Variants in FAT3 observed in about 807,000 individuals in gnomAD.
FAT3 encodes FAT atypical cadherin 3.
In FAT3, 95 loss-of-function variants were observed where a neutral mutation model predicts 310.2. The ratio of observed to expected loss-of-function variants is 0.31; its 90% CI spans 0.26 to 0.36. FAT3 has a LOEUF of 0.36. Among genes scored for constraint, FAT3 ranks in the 10% least tolerant of loss-of-function variants. The probability of loss-of-function intolerance (pLI) is 1.00; values close to 1 mark genes in which losing one functional copy is unlikely to be tolerated. For synonymous variants in FAT3, 2,314 were observed against 2,192.9 expected, an observed-to-expected ratio of 1.06 and a Z score of -1.54; for missense variants, 5,408 against 5,715.6, an observed-to-expected ratio of 0.95 and a Z score of 1.74.
chr11:92,458,582 A>C (rs1167251936), intron 2 of FAT3, among the ~76,000 whole-genome samples: 1 of 69,848 alleles, frequency 1.4e-5, no homozygotes, highest in East Asian at 8.3e-4. Flanking sequence ...CTTCCCAGCC[A>C]CCAGCAGAGT....
chr11:92,530,748 T>C (rs1954039015), intron 3 of FAT3, among the ~76,000 whole-genome samples: 1 of 152,132 alleles, frequency 6.6e-6, no homozygotes, highest in Non-Finnish European at 1.5e-5. Context: ...TGTTAGTTCA[T>C]AAGATATGGA....
intron 2 of FAT3, among the ~76,000 whole-genome samples, chr11:92,476,921 A>T (rs1027769906): frequency 6.6e-6 from 1 of 152,228 alleles, no homozygotes; most frequent in Non-Finnish European, 1.5e-5. Context: ...TTCTTCCACC[A>T]TGACCACCAC....
At chr11:92,477,112 C>T (rs542792446) in intron 2 of FAT3, among the ~76,000 whole-genome samples, 5 of 152,298 alleles carry the variant, frequency 3.3e-5, no homozygotes, top group Admixed American at 2.0e-4. Context: ...GTGAATCCAA[C>T]GGGACCATAA....
intron 2 of FAT3, among the ~76,000 whole-genome samples, chr11:92,516,510 T>C (rs1953489659): frequency 6.6e-6 from 1 of 152,126 alleles, no homozygotes; most frequent in Non-Finnish European, 1.5e-5. Flanking sequence ...GAGCTATTTA[T>C]GACAAGCCCA....
chr11:92,585,706 G>T (rs1170852105), intron 3 of FAT3, among the ~76,000 whole-genome samples: 1 of 151,928 alleles, frequency 6.6e-6, no homozygotes, highest in East Asian at 1.9e-4. Flanking sequence ...ACAGTTTCAG[G>T]ATTCAAACTC....
At chr11:92,465,117 C>A (rs567182706) in intron 2 of FAT3, among the ~76,000 whole-genome samples, 10 of 151,954 alleles carry the variant, frequency 6.6e-5, no homozygotes, top group Admixed American at 6.6e-4. Context: ...TATTTGCAGC[C>A]GGGGTACAAT....
At chr11:92,261,112 T>C in intron 1 of FAT3, among the ~76,000 whole-genome samples, 1 of 152,080 alleles carries the variant, frequency 6.6e-6, no homozygotes, top group East Asian at 1.9e-4. Flanking sequence ...GTTGTCCCCA[T>C]AAATCATCCT....
intron 2 of FAT3, among the ~76,000 whole-genome samples, chr11:92,399,332 A>G (rs1283343342): frequency 2.0e-5 from 3 of 152,166 alleles, no homozygotes; most frequent in Non-Finnish European, 2.9e-5. Flanking sequence ...CAAAACACAA[A>G]ATAACCTGAG....
At chr11:92,752,914 A>G in intron 4 of FAT3, among the ~76,000 whole-genome samples, 1 of 152,364 alleles carries the variant, frequency 6.6e-6, no homozygotes, top group East Asian at 1.9e-4. Context: ...TAAACAATAT[A>G]ATAAATAAGG....
chr11:92,346,299 A>G lies in FAT3; in HGVS notation c.-17-5797A>G, dbSNP rs538876031. The stretch of plus-strand genomic sequence containing the variant: ...TCATTGCAAGGAGAAATCTTGCTTG[A>G]ACTCCCCAGGAATTAAATGCTAGCT... On this transcript the variant is annotated intron_variant, in intron 1 of 27. Transcript: ENST00000525166. 2.6e-5 allele frequency among the ~76,000 whole-genome samples: 4 copies of G among 152,166 alleles called. No individual in the cohort carries two copies. The South Asian group carries it at 6.2e-4, about 24-fold the overall frequency.
intron 6 of FAT3, among the ~76,000 whole-genome samples, chr11:92,767,887 C>A (rs1031957238): frequency 1.3e-5 from 2 of 152,140 alleles, no homozygotes; most frequent in Admixed American, 1.3e-4. Context: ...TATGCTAACC[C>A]TACTGATGCC....
intron 2 of FAT3, among the ~76,000 whole-genome samples, chr11:92,432,123 C>T (rs942579226): frequency 1.3e-5 from 2 of 152,112 alleles, no homozygotes; most frequent in Non-Finnish European, 2.9e-5. Flanking sequence ...ATTCTTCCTA[C>T]CCATGAGCAT....
chr11:92,448,921 A>G (rs1220389970), intron 2 of FAT3, among the ~76,000 whole-genome samples: 1 of 152,170 alleles, frequency 6.6e-6, no homozygotes, highest in Non-Finnish European at 1.5e-5. Context: ...AGGAAATTCC[A>G]AAGGGCAGCA....
intron 3 of FAT3, among the ~76,000 whole-genome samples, chr11:92,610,953 C>T (rs1940534736): frequency 6.6e-6 from 1 of 152,038 alleles, no homozygotes; most frequent in Non-Finnish European, 1.5e-5. Flanking sequence ...ATCCCTAAGC[C>T]CAAGATTAAG....
chr11:92,853,217 C>T (rs545923162), intron 19 of FAT3, among the ~76,000 whole-genome samples: 8 of 152,370 alleles, frequency 5.3e-5, no homozygotes, highest in African/African-American at 1.4e-4. Context: ...CAGCAAGGCA[C>T]GCCCACTGCT....
At chr11:92,347,868 G>A (rs1948457748) in intron 1 of FAT3, among the ~76,000 whole-genome samples, 1 of 152,116 alleles carries the variant, frequency 6.6e-6, no homozygotes, top group Non-Finnish European at 1.5e-5. Flanking sequence ...TAATCTAGAA[G>A]CAGTAGAATA....
intron 2 of FAT3, among the ~76,000 whole-genome samples, chr11:92,477,895 C>T (rs903838613): frequency 6.6e-6 from 1 of 152,164 alleles, no homozygotes; most frequent in Non-Finnish European, 1.5e-5. Context: ...GTCAACATGG[C>T]AGCATGGCAC....
At chr11:92,663,216 A>C (rs1057042242) in intron 3 of FAT3, among the ~76,000 whole-genome samples, 5 of 152,188 alleles carry the variant, frequency 3.3e-5, no homozygotes, top group African/African-American at 4.8e-5. Context: ...CAAGCTTTGG[A>C]AATAAGAGCA....
Position 92,795,598 on chromosome 11 carries a change from T to C in FAT3, c.4823-2238T>C, listed in dbSNP as rs570441415. 2.6e-5 allele frequency among the ~76,000 whole-genome samples: 4 copies of C among 152,080 alleles called. No individual in the cohort carries two copies. In the East Asian group the frequency reaches 5.9e-4, roughly 22 times the overall value. ...CGTGTCACAAGCAGATCAGCGGCCA[T>C]GGGATAGCAGGATTATGAATTTCTA... On this transcript the variant is annotated intron_variant, in intron 9 of 27. Coordinates refer to ENST00000525166, the MANE Select transcript of FAT3 (RefSeq NM_001367949.2).
Sources: allele counts gnomAD v4.1 joint callset (sites outside exome capture counted in the v4.1 genomes callset), GRCh38; gene constraint gnomAD v4.1.1; transcripts MANE v1.5; gene names NCBI Gene and HGNC (gene_info 2026-07-23, HGNC 2026-07-21).